The following TP53BP2 variants were observed in gnomAD, a reference collection of about 807,000 sequenced individuals.
The protein encoded by TP53BP2 is tumor protein p53 binding protein 2, also known as apoptosis-stimulating of p53 protein 2.
TP53BP2 carries 62 observed loss-of-function variants against 126.2 expected under a neutral mutation model. The ratio of observed to expected loss-of-function variants is 0.49; its 90% CI spans 0.40 to 0.61. TP53BP2 has a LOEUF of 0.61. Among genes scored for constraint, TP53BP2 ranks in the 20% least tolerant of loss-of-function variants. TP53BP2 has a pLI of 0.00. For synonymous variants in TP53BP2, 485 were observed against 502.9 expected, an observed-to-expected ratio of 0.96 and a Z score of 0.48; for missense variants, 1,215 against 1,402.8, an observed-to-expected ratio of 0.87 and a Z score of 2.14.
At position 223,838,530 on chromosome 1, in the gene TP53BP2, C is replaced by T. The variant is rs921651299; in HGVS notation, c.27+7124G>A. Among the ~76,000 whole-genome samples, 11 of 152,346 alleles carry T rather than the reference C, an allele frequency of 7.2e-5. No individual in the cohort carries two copies. The South Asian group carries it at 2.3e-3, about 32-fold the overall frequency. ...TGGACACTTCAAAGTCACTGCTGCA[C>T]CATTCGAGCAACTGGAAATGGCTGA... On this transcript the variant is annotated intron_variant, in intron 1 of 17. Transcript: ENST00000343537.
At chr1:223,832,596 A>T (rs1663778607) in intron 1 of TP53BP2, among the ~76,000 whole-genome samples, 1 of 152,188 alleles carries the variant, frequency 6.6e-6, no homozygotes, top group Non-Finnish European at 1.5e-5. Context: ...TTAAATTAAG[A>T]TATAACCAAA....
Position 223,796,656 on chromosome 1 carries a change from A to G in TP53BP2, c.1949-66T>C. The G allele has an allele frequency of 1.4e-6, 2 of 1,442,726 alleles. No individual in the cohort carries two copies. Among genetic ancestry groups the G allele is most frequent in the Non-Finnish European group, 1.8e-6 (2 of 1,081,636 alleles). 89.4% of individuals were successfully genotyped at this position (1,442,726 alleles called of 1,614,324 possible). A position where few individuals can be genotyped will look rare whatever the true frequency, so the allele number is the denominator to read the frequency against. On this transcript the variant is annotated intron_variant, in intron 12 of 17. Transcript: ENST00000343537. The surrounding 1 kb of genome is among the most constrained non-coding windows in gnomAD (Gnocchi z 4.2). ...ATTAAACAAAACTGGCAAGAAACAG[A>G]AACAGCTAACAATAACTAAAGCCTC...
intron 16 of TP53BP2, among the ~76,000 whole-genome samples, chr1:223,786,581 C>CATGTGT (rs1553258004): frequency 2.6e-4 from 37 of 144,584 alleles, no homozygotes; most frequent in African/African-American, 8.7e-4. Context: ...TGCGTGTGTG[C>CATGTGT]GTGTGTGTGT....
intron 1 of TP53BP2, among the ~76,000 whole-genome samples, chr1:223,831,314 C>G (rs1663701739): frequency 6.8e-6 from 1 of 147,906 alleles, no homozygotes; most frequent in Non-Finnish European, 1.5e-5. Flanking sequence ...GGGAGGATCA[C>G]TTGACCCCAG....
intron 9 of TP53BP2, among the ~76,000 whole-genome samples, chr1:223,801,672 T>C (rs1257037165): frequency 2.0e-5 from 3 of 152,186 alleles, no homozygotes; most frequent in East Asian, 3.8e-4. Context: ...CTAAAAATTA[T>C]CAGCAAATTC....
intron 12 of TP53BP2, among the ~76,000 whole-genome samples, chr1:223,797,622 G>A (rs1437652301): frequency 6.6e-6 from 1 of 152,038 alleles, no homozygotes; most frequent in South Asian, 2.1e-4. Flanking sequence ...TGTTGGTCAG[G>A]CTGGTCTCGA....
rs575272096 is a variant in TP53BP2 at position 223,833,886 on chromosome 1, T to C, written c.27+11768A>G. 6.6e-5 allele frequency among the ~76,000 whole-genome samples: 10 copies of C among 152,246 alleles called. No homozygotes were observed. In the South Asian group the frequency reaches 2.1e-3, roughly 32 times the overall value. On this transcript the variant is annotated intron_variant, in intron 1 of 17. Transcript: ENST00000343537. ...GAGGCTGGTAGCACACAAATGAGCA[T>C]GGTATATAAAGCGATATGATAAAGA...
Position 223,802,804 on chromosome 1 carries a change from T to C in TP53BP2, c.923A>G (p.Asp308Gly), listed in dbSNP as rs752853600. Reference protein sequence around the residue: ...NKRNSEVAVMDKRVNELRDRL... With the variant: ...NKRNSEVAVMGKRVNELRDRL... Reference sequence around the variant, plus strand: ...GTCCCTCAGCTCATTAACACGCTTATCCATGACTGCCACTTCTGAATTACG... The same window carrying C: ...GTCCCTCAGCTCATTAACACGCTTACCCATGACTGCCACTTCTGAATTACG... The change falls in exon 8 of 18, where the codon GAT (aspartate) becomes GGT (glycine). Residue 308 changes from aspartate to glycine, a missense_variant. Transcript: ENST00000343537. 4 of 1,614,088 alleles carry C rather than the reference T, an allele frequency of 2.5e-6. No homozygotes were observed. Among genetic ancestry groups the C allele is most frequent in the Middle Eastern group, 1.6e-4 (1 of 6,084 alleles).
At chr1:223,792,674 T>C (rs1186778018) in intron 14 of TP53BP2, 152 bp from the exon 15 acceptor site, 21 of 635,452 alleles carry the variant, frequency 3.3e-5, no homozygotes, top group Non-Finnish European at 4.4e-5. Flanking sequence ...AAGAAAACTA[T>C]ACCAAGAACA....
chr1:223,803,502 G>T, intron 6 of TP53BP2, 50 bp from the exon 7 acceptor site: 1 of 1,506,946 alleles, frequency 6.6e-7, no homozygotes, highest in Non-Finnish European at 8.9e-7. Flanking sequence ...AAATAAGAAT[G>T]GACTACTTCC....
At chr1:223,838,331 A>G (rs1177758303) in intron 1 of TP53BP2, among the ~76,000 whole-genome samples, 1 of 152,184 alleles carries the variant, frequency 6.6e-6, no homozygotes, top group Admixed American at 6.5e-5. Flanking sequence ...AGGCCATCCA[A>G]AAACAATTAA....
Position 223,780,857 on chromosome 1 carries a change from GC to G in TP53BP2, c.3400del (p.Ala1134ProfsTer11). ...CTAAAATTCTGTGTGGAAGTTTCAG[GC>G]CAAGCTCCTTTGTCTTGGTTTAATT... ...PRIKPRQRSL[A>X] On this transcript the variant is annotated frameshift_variant, in exon 18 of 18. Transcript: ENST00000343537. LOFTEE classifies it high-confidence loss of function. The G allele has an allele frequency of 6.2e-7, 1 of 1,613,660 alleles. No homozygotes were observed. Among genetic ancestry groups the G allele is most frequent in the South Asian group, 1.1e-5 (1 of 90,964 alleles).
Position 223,814,247 on chromosome 1 carries a change from C to T in TP53BP2, c.282G>A (p.Arg94=), listed in dbSNP as rs1292497893. 1 of 1,612,624 alleles carries T rather than the reference C, an allele frequency of 6.2e-7. No individual in the cohort carries two copies. Among genetic ancestry groups the T allele is most frequent in the East Asian group, 2.2e-5 (1 of 44,904 alleles). ...TCACAGAGCACTACCTACCAATGTC[C>T]CTGCCAGGGGGGCGTTCATGACGAA... ...FFLRHERPPG[R]DIVSGPRSQD... The change falls in exon 3 of 18, where the codon AGG becomes AGA. Residue 94 remains arginine, a synonymous_variant. Coordinates refer to ENST00000343537, the MANE Select transcript of TP53BP2 (RefSeq NM_001031685.3).
chr1:223,841,248 G>GAAAT (rs150151337), intron 1 of TP53BP2, among the ~76,000 whole-genome samples: 4,725 of 146,990 alleles, frequency 0.032, 246 homozygotes, highest in African/African-American at 0.11. Flanking sequence ...TCCGTCTCAA[G>GAAAT]AAATAAATAA....
intron 1 of TP53BP2, among the ~76,000 whole-genome samples, chr1:223,831,077 G>T (rs893971914): frequency 2.3e-4 from 34 of 147,440 alleles, no homozygotes; most frequent in Middle Eastern, 3.4e-3. Flanking sequence ...CAGCCTGGGA[G>T]AGAGAGTGAG....
At position 223,819,837 on chromosome 1, in the gene TP53BP2, C is replaced by G. The variant is rs371374334; in HGVS notation, c.175+1383G>C. On this transcript the variant is annotated intron_variant, in intron 2 of 17. Transcript: ENST00000343537. ...CATTCTGCAAATATTTCTACAGCAT[C>G]TACTAGGTACAAGGCACTCCCCTTG... Among the ~76,000 whole-genome samples, 14 of 152,330 alleles carry G rather than the reference C, an allele frequency of 9.2e-5. No individual in the cohort carries two copies. The East Asian group carries it at 2.1e-3, about 23-fold the overall frequency.
chr1:223,796,677 G>C lies in TP53BP2; in HGVS notation c.1949-87C>G. The C allele has an allele frequency of 7.8e-7, 1 of 1,279,358 alleles. No homozygotes were observed. The highest frequency in any genetic ancestry group is 1.1e-6 in the Non-Finnish European group (1 of 940,386). The allele number at this position is 1,279,358 out of a possible 1,614,324, so 79.3% of individuals were successfully genotyped here. ...ACAGAAACAGCTAACAATAACTAAA[G>C]CCTCTTTTAATTTCATAGTTGTTAC... On this transcript the variant is annotated intron_variant, in intron 12 of 17. Transcript: ENST00000343537. The surrounding 1 kb of genome is among the most constrained non-coding windows in gnomAD (Gnocchi z 4.2).
chr1:223,821,005 T>C, intron 2 of TP53BP2: 1 of 607,684 alleles, frequency 1.6e-6, no homozygotes, highest in Non-Finnish European at 2.9e-6. Flanking sequence ...TTTTGTATTT[T>C]ATATTGTGGT....
chr1:223,821,108 A>G (rs1663289053), intron 2 of TP53BP2, 112 bp downstream of exon 2: 2 of 1,366,844 alleles, frequency 1.5e-6, no homozygotes, highest in Non-Finnish European at 1.0e-6. Context: ...CGGACGTGCT[A>G]TTCTCCAGTT....
Sources: allele counts gnomAD v4.1 joint callset (sites outside exome capture counted in the v4.1 genomes callset), GRCh38; gene constraint gnomAD v4.1.1; non-coding constraint Gnocchi (gnomAD v3.1); transcripts MANE v1.5; gene names NCBI Gene and HGNC (gene_info 2026-07-23, HGNC 2026-07-21).